PTPRG: variants seen among roughly 807,000 people sequenced by gnomAD.
PTPRG encodes the protein protein tyrosine phosphatase receptor type G, also known as receptor-type tyrosine-protein phosphatase gamma.
In PTPRG, 102 loss-of-function variants were observed where a neutral mutation model predicts 165.3. That is an observed-to-expected ratio of 0.62 (90% confidence interval 0.53 to 0.73). The LOEUF (loss-of-function observed/expected upper bound fraction) is 0.73, where lower values mean the gene tolerates loss of function less well. Ranked by LOEUF, PTPRG falls within the 30% of genes least tolerant of loss-of-function variation. PTPRG has a pLI of 0.00. For missense variants in PTPRG, 1,866 were observed against 1,861.4 expected (o/e 1.00, Z -0.05); for synonymous variants, 675 against 669.5 (o/e 1.01, Z -0.13).
chr3:61,708,089 G>GT lies in PTPRG; in HGVS notation c.86-40779dup, dbSNP rs56702793. On this transcript the variant is annotated intron_variant, in intron 1 of 29. Coordinates refer to ENST00000474889, the MANE Select transcript of PTPRG (RefSeq NM_002841.4). ...CAGGCGTGAGCCACCACACCCAGTA[G>GT]TTTTTTTTTTATTTTTTAGGGATAT... Among the ~76,000 whole-genome samples, 705 of 149,644 alleles carry GT rather than the reference G, an allele frequency of 4.7e-3. 7 individuals are homozygous for GT. Among genetic ancestry groups the GT allele is most frequent in the African/African-American group, 0.015 (595 of 40,864 alleles).
chr3:61,863,134 A>G (rs1309104724), intron 2 of PTPRG, among the ~76,000 whole-genome samples: 1 of 152,234 alleles, frequency 6.6e-6, no homozygotes, highest in Non-Finnish European at 1.5e-5. Flanking sequence ...GTCTAATGAA[A>G]GGAACCAGCT....
intron 2 of PTPRG, among the ~76,000 whole-genome samples, chr3:61,912,696 G>A (rs2038833160): frequency 6.6e-6 from 1 of 152,100 alleles, no homozygotes; most frequent in African/African-American, 2.4e-5. Context: ...TGTCAATCGG[G>A]ACCAAGATTT....
chr3:62,255,155 T>G lies in PTPRG; in HGVS notation c.2499T>G (p.Phe833Leu). ...TGGAAGCCATTCCTGTCAAACAGTT[T>G]GTCAAACACATCGGTGAGCTCTATT... is the stretch of plus-strand genomic sequence containing the variant. ...DDMEAIPVKQ[F>L]VKHIGELYSN... Residue 833 changes from phenylalanine (F) to leucine (L), a missense_variant, in exon 16 of 30, where the codon TTT becomes TTG. By Grantham distance (22) the Phe-to-Leu change is conservative. This residue lies in a region of PTPRG where 1,452 missense variants were observed against 1,463.0 expected (regional missense o/e 0.99). Transcript: ENST00000474889. This position sits in a 1 kb window ranked among gnomAD's most constrained non-coding sequence, Gnocchi z 4.0. The G allele has an allele frequency of 5.6e-6, 9 of 1,613,340 alleles. No homozygotes were observed. Among genetic ancestry groups the G allele is most frequent in the Non-Finnish European group, 7.6e-6 (9 of 1,179,562 alleles).
intron 5 of PTPRG, among the ~76,000 whole-genome samples, chr3:62,121,145 G>A (rs1023770998): frequency 6.6e-5 from 10 of 151,462 alleles, no homozygotes; most frequent in African/African-American, 2.2e-4. Flanking sequence ...AGTAAAGACG[G>A]GGTTTCACCA....
Position 62,195,089 on chromosome 3 carries a change from G to C in PTPRG, c.1246G>C (p.Asp416His), listed in dbSNP as rs748977953. 2 of 1,614,170 alleles carry C rather than the reference G, an allele frequency of 1.2e-6. No homozygotes were observed. Among genetic ancestry groups the C allele is most frequent in the East Asian group, 2.2e-5 (1 of 44,872 alleles). The change falls in exon 10 of 30, where the codon GAT becomes CAT. Residue 416 changes from aspartate to histidine, a missense_variant. This residue lies in a region of PTPRG where 1,452 missense variants were observed against 1,463.0 expected (regional missense o/e 0.99). Coordinates refer to ENST00000474889, the MANE Select transcript of PTPRG (RefSeq NM_002841.4). The surrounding 1 kb of genome is among the most constrained non-coding windows in gnomAD (Gnocchi z 4.4). Reference protein sequence around the residue: ...LKATISHVSPDSLYLFRVQAV... With the variant: ...LKATISHVSPHSLYLFRVQAV... ...AGCCACCATTAGCCATGTCTCACCCGATAGCCTTTACCTGTTCCGAGTCCA... is the reference window on the plus strand; with the variant it reads ...AGCCACCATTAGCCATGTCTCACCCCATAGCCTTTACCTGTTCCGAGTCCA...
intron 2 of PTPRG, among the ~76,000 whole-genome samples, chr3:61,839,543 C>A (rs531447554): frequency 1.3e-5 from 2 of 152,274 alleles, no homozygotes; most frequent in East Asian, 3.9e-4. Flanking sequence ...TTAAACTAAC[C>A]TTGTCAGAGT....
intron 1 of PTPRG, among the ~76,000 whole-genome samples, chr3:61,664,706 C>T (rs964111274): frequency 1.2e-4 from 19 of 152,140 alleles, no homozygotes; most frequent in Admixed American, 1.2e-3. Flanking sequence ...TTGTACACGC[C>T]TGTAATCCCA....
At chr3:61,614,418 CTTT>C (rs550755163) in intron 1 of PTPRG, among the ~76,000 whole-genome samples, 11 of 117,682 alleles carry the variant, frequency 9.3e-5, no homozygotes, top group African/African-American at 1.3e-4. Context: ...TTAATAATAC[CTTT>C]TTTTTTTTTT....
chr3:61,742,372 T>G, intron 1 of PTPRG: 5 of 1,004,866 alleles, frequency 5.0e-6, no homozygotes, highest in Non-Finnish European at 7.1e-6. Flanking sequence ...AGGACATTTT[T>G]ATAGGAAGAA....
chr3:61,822,681 G>T (rs1378999326), intron 2 of PTPRG, among the ~76,000 whole-genome samples: 2 of 152,292 alleles, frequency 1.3e-5, no homozygotes, highest in South Asian at 4.1e-4. Flanking sequence ...TCCAATTTAA[G>T]CAAGGAGGAA....
At chr3:61,836,496 A>G (rs1244378725) in intron 2 of PTPRG, among the ~76,000 whole-genome samples, 1 of 152,208 alleles carries the variant, frequency 6.6e-6, no homozygotes, top group African/African-American at 2.4e-5. Flanking sequence ...GATAGTGATA[A>G]TAAAATATAG....
At chr3:61,904,239 C>T (rs978667104) in intron 2 of PTPRG, among the ~76,000 whole-genome samples, 2 of 152,120 alleles carry the variant, frequency 1.3e-5, no homozygotes, top group African/African-American at 4.8e-5. Flanking sequence ...GAAACTGGGC[C>T]CTGCTGTGAT....
intron 2 of PTPRG, among the ~76,000 whole-genome samples, chr3:61,933,875 T>C (rs749022074): frequency 1.3e-5 from 2 of 152,220 alleles, no homozygotes; most frequent in Non-Finnish European, 2.9e-5. Flanking sequence ...ATCAGCTAGT[T>C]TGAAAATAGT....
chr3:61,838,800 T>C (rs2036540649), intron 2 of PTPRG, among the ~76,000 whole-genome samples: 1 of 152,214 alleles, frequency 6.6e-6, no homozygotes, highest in African/African-American at 2.4e-5. Flanking sequence ...AAACTGTCAT[T>C]TGGAATTAGT....
At chr3:62,232,676 G>A (rs192651216) in intron 14 of PTPRG, among the ~76,000 whole-genome samples, 58 of 152,240 alleles carry the variant, frequency 3.8e-4, no homozygotes, top group South Asian at 6.2e-4. Context: ...CGACCCCCAC[G>A]TCAGTGGGCC....
intron 1 of PTPRG, among the ~76,000 whole-genome samples, chr3:61,727,111 T>A (rs1307980600): frequency 6.6e-6 from 1 of 152,178 alleles, no homozygotes; most frequent in Non-Finnish European, 1.5e-5. Context: ...GTGGCATTTT[T>A]CTGAGTGCTG....
chr3:62,155,367 A>G (rs1409530467), intron 6 of PTPRG, among the ~76,000 whole-genome samples: 1 of 152,220 alleles, frequency 6.6e-6, no homozygotes, highest in African/African-American at 2.4e-5. Flanking sequence ...TAGAAAGCAC[A>G]CACTTCATAG....
At chr3:61,797,837 C>G (rs969040663) in intron 2 of PTPRG, among the ~76,000 whole-genome samples, 6 of 151,510 alleles carry the variant, frequency 4.0e-5, no homozygotes, top group Non-Finnish European at 8.8e-5. Context: ...TGATCCTCAA[C>G]TCTAATTTTT....
intron 2 of PTPRG, among the ~76,000 whole-genome samples, chr3:61,789,425 C>A (rs897753834): frequency 6.6e-5 from 10 of 152,224 alleles, no homozygotes; most frequent in Admixed American, 2.6e-4. Context: ...TCTTATAATA[C>A]AGAGATGATT....
Sources: allele counts gnomAD v4.1 joint callset (sites outside exome capture counted in the v4.1 genomes callset), GRCh38; gene constraint gnomAD v4.1.1; regional missense constraint gnomAD v4.1.1; non-coding constraint Gnocchi (gnomAD v3.1); transcripts MANE v1.5; gene names NCBI Gene and HGNC (gene_info 2026-07-23, HGNC 2026-07-21).